ATXN7L1: variants seen among roughly 807,000 people sequenced by gnomAD.
The protein encoded by ATXN7L1 is ataxin-7-like protein 1.
ATXN7L1 carries 15 observed loss-of-function variants against 70.8 expected under a neutral mutation model. The observed-to-expected ratio is 0.21, with a 90% CI of 0.14 to 0.33. The LOEUF is 0.33. Ranked by LOEUF, ATXN7L1 falls within the 10% of genes least tolerant of loss-of-function variation. The probability of loss-of-function intolerance (pLI) is 1.00; values close to 1 mark genes in which losing one functional copy is unlikely to be tolerated. For missense variants in ATXN7L1, 975 were observed against 1,097.1 expected (o/e 0.89, Z 1.57); for synonymous variants, 440 against 445.1 (o/e 0.99, Z 0.14).
chr7:105,617,076 G>C (rs1216892268), intron 9 of ATXN7L1, among the ~76,000 whole-genome samples: 2 of 151,618 alleles, frequency 1.3e-5, no homozygotes, highest in African/African-American at 2.4e-5. Context: ...CCCCAGGCTG[G>C]AGTGCAGTGG....
At chr7:105,720,456 T>C (rs1795061955) in intron 3 of ATXN7L1, among the ~76,000 whole-genome samples, 1 of 152,166 alleles carries the variant, frequency 6.6e-6, no homozygotes, top group Non-Finnish European at 1.5e-5. Flanking sequence ...TCTTGCTCTG[T>C]TGCTCAGACA....
intron 3 of ATXN7L1, among the ~76,000 whole-genome samples, chr7:105,730,559 C>T (rs1188230127): frequency 1.3e-5 from 2 of 151,856 alleles, no homozygotes; most frequent in African/African-American, 2.4e-5. Flanking sequence ...GGTGAAATCC[C>T]GTCTCTACTA....
chr7:105,679,798 T>A (rs1230632943), intron 3 of ATXN7L1, among the ~76,000 whole-genome samples: 1 of 151,614 alleles, frequency 6.6e-6, no homozygotes, highest in Non-Finnish European at 1.5e-5. Context: ...GCGGGGGGAG[T>A]GACTGCTTAA....
intron 9 of ATXN7L1, chr7:105,617,896 G>GCC (rs1309978169): frequency 1.1e-5 from 5 of 456,146 alleles, no homozygotes; most frequent in African/African-American, 1.0e-4. Context: ...TGTCTTCCAC[G>GCC]CCCCCATCGG....
chr7:105,663,908 T>C (rs932003430), intron 4 of ATXN7L1, among the ~76,000 whole-genome samples: 2 of 152,174 alleles, frequency 1.3e-5, no homozygotes, highest in African/African-American at 4.8e-5. Flanking sequence ...TAGCTGGGAT[T>C]ACAGGTGTGT....
intron 2 of ATXN7L1, chr7:105,819,775 CG>C (rs1426563032): frequency 5.9e-5 from 41 of 694,860 alleles, no homozygotes; most frequent in Admixed American, 1.3e-4. Context: ...AAAGCAAGGC[CG>C]GGCCGCCCTG....
intron 3 of ATXN7L1, among the ~76,000 whole-genome samples, chr7:105,672,490 T>C (rs1803917471): frequency 6.6e-6 from 1 of 152,260 alleles, no homozygotes; most frequent in Non-Finnish European, 1.5e-5. Context: ...TATTTAGCTA[T>C]TCTCGTACTG....
In ATXN7L1 at chr7:105,618,736, A is replaced by G. The variant is rs150180215; in HGVS notation, c.1517+1464T>C. Among the ~76,000 whole-genome samples the G allele has an allele frequency of 1.8e-3, 271 of 152,246 alleles. 1 individual carries two copies. Among genetic ancestry groups the G allele is most frequent in the African/African-American group, 6.0e-3 (251 of 41,546 alleles). ...CAGATTTATGTGATCCATGACTCCA[A>G]TGGATGATGATATCTTGAGAGCTCA... On this transcript the variant is annotated intron_variant, in intron 9 of 11. Coordinates refer to ENST00000419735, the MANE Select transcript of ATXN7L1 (RefSeq NM_020725.2).
chr7:105,812,465 C>A (rs2116543337), intron 2 of ATXN7L1, among the ~76,000 whole-genome samples: 1 of 152,250 alleles, frequency 6.6e-6, no homozygotes, highest in South Asian at 2.1e-4. Context: ...GGTCTTGATT[C>A]TATCAGTTTC....
chr7:105,812,524 G>A (rs1475548932), intron 2 of ATXN7L1, among the ~76,000 whole-genome samples: 1 of 152,144 alleles, frequency 6.6e-6, no homozygotes, highest in East Asian at 1.9e-4. Flanking sequence ...ACTTTACTGA[G>A]CATATCATCA....
intron 7 of ATXN7L1, among the ~76,000 whole-genome samples, chr7:105,626,608 C>T (rs56001452): frequency 0.049 from 7,406 of 152,234 alleles, 251 homozygotes; most frequent in Middle Eastern, 0.092. Flanking sequence ...AACAAAGCTG[C>T]CATTCATTCT....
intron 3 of ATXN7L1, among the ~76,000 whole-genome samples, chr7:105,697,673 G>A (rs570912425): frequency 6.6e-6 from 1 of 152,220 alleles, no homozygotes; most frequent in African/African-American, 2.4e-5. Context: ...AATCACAAGG[G>A]TATTGATTGG....
At chr7:105,703,982 C>G (rs1160848724) in intron 3 of ATXN7L1, among the ~76,000 whole-genome samples, 2 of 152,240 alleles carry the variant, frequency 1.3e-5, no homozygotes, top group Non-Finnish European at 2.9e-5. Flanking sequence ...TACCCACATT[C>G]ATTCACATGG....
At position 105,624,103 on chromosome 7, in the gene ATXN7L1, A is replaced by T; in HGVS notation, c.1367T>A (p.Phe456Tyr). ...CAGAGGTCTGGGGTGGTGCGTGGAG[A>T]ACTGACAGTCTAGCTTCTCGGATTC... Reference protein sequence around the residue: ...ADESEKLDCQFSTHHPRPLAF... With the variant: ...ADESEKLDCQYSTHHPRPLAF... The change falls in exon 8 of 12, where the codon TTC becomes TAC. Residue 456 changes from phenylalanine (F) to tyrosine (Y), a missense_variant. Physicochemically the swap from Phe to Tyr is conservative, Grantham distance 22. Around this residue, in one of 5 missense-constraint regions of ATXN7L1, gnomAD observed 635 missense variants for 699.4 expected, o/e 0.91. Transcript: ENST00000419735. The T allele has an allele frequency of 6.7e-7, 1 of 1,502,068 alleles. No individual in the cohort carries two copies. Among genetic ancestry groups the T allele is most frequent in the South Asian group, 1.3e-5 (1 of 78,042 alleles). The allele number at this position is 1,502,068 out of a possible 1,614,324, so 93.0% of individuals were successfully genotyped here. A position where few individuals can be genotyped will look rare whatever the true frequency, so the allele number is the denominator to read the frequency against.
At chr7:105,670,892 GTCAGGAGA>G (rs1250162744) in intron 3 of ATXN7L1, among the ~76,000 whole-genome samples, 4 of 151,990 alleles carry the variant, frequency 2.6e-5, no homozygotes, top group African/African-American at 4.8e-5. Flanking sequence ...GGATCACGAG[GTCAGGAGA>G]TCGAGACCAT....
chr7:105,673,295 C>T (rs1804060617), intron 3 of ATXN7L1, among the ~76,000 whole-genome samples: 1 of 152,238 alleles, frequency 6.6e-6, no homozygotes, highest in Non-Finnish European at 1.5e-5. Context: ...TCATGAATGG[C>T]TGAGCCGGCT....
chr7:105,760,287 T>C (rs1800376683), intron 3 of ATXN7L1: 1 of 954,950 alleles, frequency 1.0e-6, no homozygotes, highest in African/African-American at 1.8e-5. Flanking sequence ...AAAATGCTTT[T>C]CCATATATTA....
At chr7:105,680,954 C>T (rs1473407078) in intron 3 of ATXN7L1, among the ~76,000 whole-genome samples, 1 of 152,198 alleles carries the variant, frequency 6.6e-6, no homozygotes, top group African/African-American at 2.4e-5. Flanking sequence ...CCCTGCTCTC[C>T]CTCCCTATCT....
intron 2 of ATXN7L1, among the ~76,000 whole-genome samples, chr7:105,855,535 T>A (rs1225438602): frequency 6.6e-6 from 1 of 152,126 alleles, no homozygotes; most frequent in Non-Finnish European, 1.5e-5. Flanking sequence ...GGTAGGAGAG[T>A]TTACACCATG....
Sources: gnomAD v4.1 joint callset for allele counts (sites outside exome capture counted in the v4.1 genomes callset) on GRCh38, gnomAD v4.1.1 for gene constraint, gnomAD v4.1.1 regional missense constraint, MANE v1.5 for transcripts, NCBI Gene and HGNC (gene_info 2026-07-23, HGNC 2026-07-21) for gene names.